Variants in AHI1 observed in about 807,000 individuals in gnomAD.
AHI1 encodes Abelson helper integration site 1, also known as jouberin.
AHI1 carries 123 observed loss-of-function variants against 149.3 expected under a neutral mutation model. That is an observed-to-expected ratio of 0.82 (90% CI 0.71 to 0.96). The LOEUF is 0.96. Among genes scored for constraint, AHI1 ranks in the 40% least tolerant of loss-of-function variants. AHI1 has a pLI of 0.00. For synonymous variants in AHI1, 475 were observed against 459.8 expected, an observed-to-expected ratio of 1.03 and a Z score of -0.42; for missense variants, 1,439 against 1,422.7, an observed-to-expected ratio of 1.01 and a Z score of -0.18.
chr6:135,316,593 T>C (rs746782454), intron 26 of AHI1, among the ~76,000 whole-genome samples: 17 of 152,132 alleles, frequency 1.1e-4, no homozygotes, highest in Non-Finnish European at 2.5e-4. Flanking sequence ...TTTTTCTTTT[T>C]TTCCTTTTCC....
At chr6:135,328,600 C>T (rs1038758496) in intron 24 of AHI1, among the ~76,000 whole-genome samples, 4 of 152,066 alleles carry the variant, frequency 2.6e-5, no homozygotes, top group Non-Finnish European at 4.4e-5. Context: ...TCTCTCTCCC[C>T]TTCTCCTTGG....
At chr6:135,414,764 T>G (rs1782095861) in intron 20 of AHI1, among the ~76,000 whole-genome samples, 1 of 152,082 alleles carries the variant, frequency 6.6e-6, no homozygotes, top group African/African-American at 2.4e-5. Context: ...TTAGAATGGC[T>G]AATATTCAAA....
chr6:135,399,027 A>C (rs926946336), intron 22 of AHI1, among the ~76,000 whole-genome samples: 1 of 152,102 alleles, frequency 6.6e-6, no homozygotes, highest in Admixed American at 6.6e-5. Context: ...CTACAAAAAA[A>C]TAAAAAATTA....
chr6:135,489,734 T>G (rs1794977389), intron 5 of AHI1, among the ~76,000 whole-genome samples: 2 of 152,250 alleles, frequency 1.3e-5, no homozygotes, highest in South Asian at 2.1e-4. Flanking sequence ...GCAGCTGGAT[T>G]TTGGTCAATT....
intron 27 of AHI1, 46 bp downstream of exon 27, chr6:135,300,454 A>C: frequency 4.0e-6 from 6 of 1,501,386 alleles, no homozygotes; most frequent in Non-Finnish European, 5.3e-6. Context: ...TTAAAAGAAA[A>C]CCCCAACCAT....
At chr6:135,325,695 T>C (rs889546444) in intron 24 of AHI1, among the ~76,000 whole-genome samples, 1 of 152,252 alleles carries the variant, frequency 6.6e-6, no homozygotes, top group African/African-American at 2.4e-5. Context: ...TTTCTTTCTC[T>C]TCCCCTAGTT....
intron 8 of AHI1, among the ~76,000 whole-genome samples, chr6:135,459,399 A>G (rs1789503419): frequency 6.6e-6 from 1 of 152,194 alleles, no homozygotes; most frequent in Non-Finnish European, 1.5e-5. Flanking sequence ...AATGCATATA[A>G]AAGAAGACTG....
chr6:135,363,874 CGGCTGGCCGGACGGGG>C (rs1794389273), intron 23 of AHI1, among the ~76,000 whole-genome samples: 1 of 146,198 alleles, frequency 6.8e-6, no homozygotes, highest in African/African-American at 2.6e-5. Flanking sequence ...CCGGACGGGG[CGGCTGGCCGGACGGGG>C]GGCTGACCCC....
Position 135,407,277 on chromosome 6 carries a change from A to G in AHI1, c.2962-2300T>C, listed in dbSNP as rs576383221. 1.2e-3 allele frequency among the ~76,000 whole-genome samples: 185 copies of G among 152,310 alleles called. 1 individual carries two copies. Among genetic ancestry groups the G allele is most frequent in the African/African-American group, 4.3e-3 (179 of 41,568 alleles). ...AAACATTCCTATTGTAATAAAAAAT[A>G]AATAAAAAAAGGAATTTGGGGTCTA... On this transcript the variant is annotated intron_variant, in intron 21 of 28. Coordinates refer to ENST00000265602, the MANE Select transcript of AHI1 (RefSeq NM_001134831.2).
Position 135,490,690 on chromosome 6 carries a change from T to A in AHI1, c.68A>T (p.His23Leu), listed in dbSNP as rs746992537. The A allele has an allele frequency of 2.9e-5, 47 of 1,613,524 alleles. No homozygotes were observed. Among genetic ancestry groups the A allele is most frequent in the Non-Finnish European group, 3.9e-5 (46 of 1,179,686 alleles). ...KVRFEELLKT[H>L]SDLMREKKKL... is the part of the protein sequence containing the mutation. ...TTTCTTTTCACGCATTAGATCACTGTGGGTCTTAAGCAATTCTTCAAAGCG... is the reference window on the plus strand; with the variant it reads ...TTTCTTTTCACGCATTAGATCACTGAGGGTCTTAAGCAATTCTTCAAAGCG... Residue 23 changes from histidine to leucine, a missense_variant, in exon 5 of 29, where the codon CAC becomes CTC. Transcript: ENST00000265602.
At chr6:135,333,901 TA>T (rs1344345891) in intron 24 of AHI1, among the ~76,000 whole-genome samples, 1 of 152,206 alleles carries the variant, frequency 6.6e-6, no homozygotes. Context: ...TCATAGATTT[TA>T]AGGTAAATTG....
At chr6:135,493,415 TGTCA>T (rs1795528343) in intron 3 of AHI1, among the ~76,000 whole-genome samples, 1 of 152,232 alleles carries the variant, frequency 6.6e-6, no homozygotes, top group Admixed American at 6.5e-5. Flanking sequence ...TACCTAACTA[TGTCA>T]GTTAACTTAG....
rs1457793607 is a variant in AHI1, at chr6:135,323,201, G to T, written c.3289C>A (p.Gln1097Lys). The T allele has an allele frequency of 6.2e-7, 1 of 1,613,460 alleles. No homozygotes were observed. Among genetic ancestry groups the T allele is most frequent in the Non-Finnish European group, 8.5e-7 (1 of 1,179,568 alleles). Residue 1097 changes from glutamine to lysine, a missense_variant, in exon 25 of 29, where the codon CAG (glutamine) becomes AAG (lysine). Transcript: ENST00000265602. ...DWWYGSIGKG[Q>K]EGYFPANHVA... ...TGATTAGCTGGAAAATAACCTTCCT[G>T]TCCCTTTCCTATGCTGCCATACCAC...
At position 135,433,080 on chromosome 6, in the gene AHI1, C is replaced by T. The variant is rs531823954; in HGVS notation, c.2213G>A (p.Arg738Gln). ...EMREDSAILV[R>Q]QFDVHKSFIN... Reference sequence around the variant, plus strand: ...AAAACTTTTGTGAACATCAAACTGTCGGACCAATATGGCAGAATCTTCTCT... The same window carrying T: ...AAAACTTTTGTGAACATCAAACTGTTGGACCAATATGGCAGAATCTTCTCT... Residue 738 changes from arginine to glutamine, a missense_variant, in exon 16 of 29, where the codon CGA becomes CAA. By Grantham distance (43) the Arg-to-Gln change is conservative. Transcript: ENST00000265602. 1.5e-5 allele frequency: 25 copies of T among 1,613,624 alleles called. No homozygotes were observed. The highest frequency in any genetic ancestry group is 2.2e-5 in the East Asian group (1 of 44,796).
intron 5 of AHI1, chr6:135,489,998 A>T: frequency 2.1e-6 from 1 of 487,454 alleles, no homozygotes; most frequent in Non-Finnish European, 3.6e-6. Context: ...GTGCAACTCA[A>T]GTAGGGAGAT....
At chr6:135,355,970 C>T (rs1470331924) in intron 24 of AHI1, among the ~76,000 whole-genome samples, 1 of 152,244 alleles carries the variant, frequency 6.6e-6, no homozygotes, top group East Asian at 1.9e-4. Context: ...CTCATTTGCT[C>T]ACTTCCCTCA....
intron 23 of AHI1, among the ~76,000 whole-genome samples, chr6:135,388,596 T>G (rs1243564635): frequency 6.6e-6 from 1 of 152,218 alleles, no homozygotes; most frequent in African/African-American, 2.4e-5. Flanking sequence ...AAATTAAAAC[T>G]TCAATATACC....
At chr6:135,486,391 T>C in intron 5 of AHI1, among the ~76,000 whole-genome samples, 1 of 152,222 alleles carries the variant, frequency 6.6e-6, no homozygotes, top group East Asian at 1.9e-4. Flanking sequence ...TTCTAAAAAA[T>C]CCATTACTAT....
chr6:135,426,882 T>C (rs878896331), intron 20 of AHI1, among the ~76,000 whole-genome samples: 1 of 151,728 alleles, frequency 6.6e-6, no homozygotes, highest in Admixed American at 6.6e-5. Context: ...CAACACAGGA[T>C]AAAATATTAA....
Sources: gnomAD v4.1 joint callset for allele counts (sites outside exome capture counted in the v4.1 genomes callset) on GRCh38, gnomAD v4.1.1 for gene constraint, MANE v1.5 for transcripts, NCBI Gene and HGNC (gene_info 2026-07-23, HGNC 2026-07-21) for gene names.